DCDC1: variants seen among roughly 807,000 people sequenced by gnomAD.
The protein encoded by DCDC1 is doublecortin domain containing 1.
In DCDC1, 200 loss-of-function variants were observed where a neutral mutation model predicts 178.3. The ratio of observed to expected loss-of-function variants is 1.12; its 90% CI spans 1.00 to 1.26. The LOEUF (loss-of-function observed/expected upper bound fraction) is 1.26, where lower values mean the gene tolerates loss of function less well. DCDC1 is among the 50% of genes most tolerant of loss of function. The pLI is 0.00. For missense variants in DCDC1, 1,983 were observed against 1,749.2 expected, an observed-to-expected ratio of 1.13 and a Z score of -2.38; for synonymous variants, 690 against 604.8, an observed-to-expected ratio of 1.14 and a Z score of -2.07.
chr11:31,085,703 A>G (rs922014782), intron 17 of DCDC1, among the ~76,000 whole-genome samples: 1 of 40,578 alleles, frequency 2.5e-5, no homozygotes, highest in Admixed American at 2.6e-4. Flanking sequence ...AAGAACATTG[A>G]TTGATTGATT....
chr11:30,980,054 T>C (rs1010371326), intron 20 of DCDC1, among the ~76,000 whole-genome samples: 1 of 152,218 alleles, frequency 6.6e-6, no homozygotes, highest in African/African-American at 2.4e-5. Context: ...CAGCTTGATA[T>C]TGTGGACATC....
intron 9 of DCDC1, among the ~76,000 whole-genome samples, chr11:31,143,256 T>A (rs1029563221): frequency 2.6e-5 from 4 of 152,106 alleles, no homozygotes; most frequent in African/African-American, 9.7e-5. Flanking sequence ...TAGAAAAAGA[T>A]GAGAAGTGGT....
chr11:30,918,607 G>A (rs1946027671), intron 25 of DCDC1, among the ~76,000 whole-genome samples: 1 of 152,102 alleles, frequency 6.6e-6, no homozygotes, highest in Admixed American at 6.6e-5. Flanking sequence ...ATAGAAAGGG[G>A]CCAGCCATGT....
Position 30,920,933 on chromosome 11 carries a change from G to A in DCDC1, c.3136C>T (p.Leu1046Phe). Residue 1046 changes from leucine (L) to phenylalanine (F), a missense_variant and splice_region_variant, in exon 25 of 39, where the codon CTT becomes TTT. Physicochemically the swap from Leu to Phe is conservative, Grantham distance 22. Transcript: ENST00000684477. ...IFCSTHKIEA[L>F]VLEVQSDIVS... is the part of the protein sequence containing the mutation. ...ATGTCACTTTGGACTTCTAAAACAA[G>A]AGCTGAGCAGAAATTCACAAATTGC... 1.2e-6 allele frequency: 2 copies of A among 1,607,772 alleles called. No individual in the cohort carries two copies. Among genetic ancestry groups the A allele is most frequent in the Non-Finnish European group, 1.7e-6 (2 of 1,176,726 alleles).
chr11:31,003,053 T>G lies in DCDC1; in HGVS notation c.2592-50485A>C, dbSNP rs148245846. Among the ~76,000 whole-genome samples the G allele has an allele frequency of 7.7e-3, 1,170 of 151,532 alleles. 11 individuals carry two copies. Among genetic ancestry groups the G allele is most frequent in the Non-Finnish European group, 0.013 (916 of 67,888 alleles). ...ACATCATTTTTGAGTTTAGTCCTTT[T>G]TTCACATAATTTGGATGGCCACACA... On this transcript the variant is annotated intron_variant, in intron 20 of 38. Coordinates refer to ENST00000684477, the MANE Select transcript of DCDC1 (RefSeq NM_001387274.1).
At chr11:30,896,637 C>G (rs552173390) in intron 34 of DCDC1, among the ~76,000 whole-genome samples, 38 of 152,304 alleles carry the variant, frequency 2.5e-4, no homozygotes, top group African/African-American at 8.9e-4. Context: ...ACATGTAACA[C>G]TGATCATTTA....
At chr11:31,021,447 GTGT>G (rs763069895) in intron 20 of DCDC1, among the ~76,000 whole-genome samples, 10 of 152,166 alleles carry the variant, frequency 6.6e-5, no homozygotes, top group East Asian at 1.9e-4. Flanking sequence ...AATCTCAAAT[GTGT>G]TGTTAAGTGA....
At position 31,250,421 on chromosome 11, in the gene DCDC1, C is replaced by CATATATATATATATAT; in HGVS notation, c.1055-8806_1055-8805insATATATATATATATAT. On this transcript the variant is annotated intron_variant, in intron 8 of 38. Transcript: ENST00000684477. ...ACACACACACACACACACACATATA[C>CATATATATATATATAT]ATATATATGTATATATATATATATC... 7.0e-4 allele frequency among the ~76,000 whole-genome samples: 37 copies of CATATATATATATATAT among 52,916 alleles called. 2 individuals are homozygous for CATATATATATATATAT. In the South Asian group the frequency reaches 0.012, roughly 17 times the overall value. 34.7% of individuals were successfully genotyped at this position (52,916 alleles called of 152,430 possible).
chr11:31,227,678 G>A (rs1236416205), intron 9 of DCDC1, among the ~76,000 whole-genome samples: 1 of 152,080 alleles, frequency 6.6e-6, no homozygotes, highest in African/African-American at 2.4e-5. Flanking sequence ...TATATTAAAT[G>A]TAAATGGTCT....
intron 1 of DCDC1, among the ~76,000 whole-genome samples, chr11:31,346,426 T>C (rs1950815271): frequency 7.5e-6 from 1 of 133,952 alleles, no homozygotes. Context: ...ATTGCACCAC[T>C]GCACTCCAGC....
intron 9 of DCDC1, among the ~76,000 whole-genome samples, chr11:31,144,796 A>C (rs908276112): frequency 2.0e-5 from 3 of 152,090 alleles, no homozygotes; most frequent in African/African-American, 4.8e-5. Flanking sequence ...CTGAAAGTGC[A>C]CTTCACATAT....
In DCDC1 at chr11:30,905,068, G is replaced by A. The variant is rs1215210611; in HGVS notation, c.4201C>T (p.His1401Tyr). 1 of 1,613,816 alleles carries A rather than the reference G, an allele frequency of 6.2e-7. No homozygotes were observed. Among genetic ancestry groups the A allele is most frequent in the Admixed American group, 1.7e-5 (1 of 59,980 alleles). ...TGGTGTGTGGCTGCCATGCCACTGT[G>A]AGATGCAGCTTGCGTGCAGGTCTTC... The part of the protein sequence containing the change: ...RMKTCTQAAS[H>Y]SGMAATHQKA... The change falls in exon 31 of 39, where the codon CAC becomes TAC. Residue 1401 changes from histidine to tyrosine, a missense_variant. His to Tyr is a moderately conservative substitution (Grantham distance 83). Coordinates refer to ENST00000684477, the MANE Select transcript of DCDC1 (RefSeq NM_001387274.1).
chr11:31,273,217 G>C (rs1945714778), intron 7 of DCDC1, among the ~76,000 whole-genome samples: 1 of 152,194 alleles, frequency 6.6e-6, no homozygotes, highest in Non-Finnish European at 1.5e-5. Flanking sequence ...TCTGCAGCCA[G>C]CTTGAATTTC....
At chr11:31,137,637 T>C in intron 10 of DCDC1, 55 bp downstream of exon 10, 1 of 689,528 alleles carries the variant, frequency 1.5e-6, no homozygotes, top group Non-Finnish European at 2.6e-6. Flanking sequence ...CGTAAGCCAC[T>C]GTGCCTGGCC....
rs749574764 is a variant in DCDC1, at chr11:30,906,740, A to C, written c.3919-15T>G. The stretch of plus-strand genomic sequence containing the variant: ...TAACAGTATCCCTAAAATGGGAGAC[A>C]AAGATGGCTTTATATAGGAGCATCT... On this transcript the variant is annotated splice_polypyrimidine_tract_variant and intron_variant, in intron 29 of 38. Transcript: ENST00000684477. The C allele has an allele frequency of 1.9e-6, 3 of 1,608,346 alleles. No homozygotes were observed. The South Asian group carries it at 3.3e-5, about 18-fold the overall frequency.
chr11:31,087,231 C>T (rs1014978463), intron 17 of DCDC1, among the ~76,000 whole-genome samples: 4 of 152,082 alleles, frequency 2.6e-5, no homozygotes, highest in African/African-American at 9.7e-5. Flanking sequence ...ATTGCTGATA[C>T]AGGTAATTTG....
At chr11:31,270,664 A>G (rs1174617831) in intron 7 of DCDC1, among the ~76,000 whole-genome samples, 1 of 152,190 alleles carries the variant, frequency 6.6e-6, no homozygotes, top group African/African-American at 2.4e-5. Flanking sequence ...ATTCTCTCCT[A>G]TCACACAATC....
rs145256598 is a variant in DCDC1, at chr11:31,307,827, G to A, written c.246C>T (p.Leu82=). ...YLQSQFGPNR[L]VHSAAVSEGS... is the part of the protein sequence containing the mutation. Reference sequence around the variant, plus strand: ...CTTCTGATACTGCTGCTGAATGCACGAGTCTGTTGGGGCCAAACTGAGACT... The same window carrying A: ...CTTCTGATACTGCTGCTGAATGCACAAGTCTGTTGGGGCCAAACTGAGACT... The change falls in exon 4 of 39, where the codon CTC becomes CTT. Residue 82 remains leucine, a synonymous_variant. Coordinates refer to ENST00000684477, the MANE Select transcript of DCDC1 (RefSeq NM_001387274.1). The A allele has an allele frequency of 6.8e-5, 109 of 1,614,108 alleles. No individual in the cohort carries two copies. The African/African-American group carries it at 1.2e-3, about 18-fold the overall frequency.
chr11:31,025,617 T>G (rs1207358476), intron 20 of DCDC1, among the ~76,000 whole-genome samples: 1 of 151,864 alleles, frequency 6.6e-6, no homozygotes, highest in African/African-American at 2.4e-5. Flanking sequence ...TGACTTTTTC[T>G]AACATCTTCA....
Sources: allele counts gnomAD v4.1 joint callset (sites outside exome capture counted in the v4.1 genomes callset), GRCh38; gene constraint gnomAD v4.1.1; transcripts MANE v1.5; gene names NCBI Gene and HGNC (gene_info 2026-07-23, HGNC 2026-07-21).